The following SNRPN variants were observed in gnomAD, a reference collection of about 807,000 sequenced individuals.
SNRPN encodes small nuclear ribonucleoprotein-associated protein N.
Under a neutral mutation model 25.2 loss-of-function variants are expected in SNRPN, and 7 were observed. That is an observed-to-expected ratio of 0.28 (90% CI 0.16 to 0.52). The LOEUF (loss-of-function observed/expected upper bound fraction) is 0.52, where lower values mean the gene tolerates loss of function less well. Among genes scored for constraint, SNRPN ranks in the 20% least tolerant of loss-of-function variants. SNRPN has a pLI of 0.96. For synonymous variants in SNRPN, 124 were observed against 110.6 expected, an observed-to-expected ratio of 1.12 and a Z score of -0.76; for missense variants, 196 against 322.5, an observed-to-expected ratio of 0.61 and a Z score of 3.00.
intron 3 of SNRPN, chr15:24,920,594 G>C (rs2059968910): frequency 6.6e-6 from 1 of 152,182 alleles, no homozygotes; most frequent in Non-Finnish European, 1.5e-5. Context: ...TTACAGTAAT[G>C]TGCCAAATCT....
intron 1 of SNRPN, chr15:24,886,463 C>T (rs9806261): frequency 0.18 from 27,045 of 152,156 alleles, 2,645 homozygotes; most frequent in East Asian, 0.4. Context: ...CGAATAAAGT[C>T]TTCCTTACTA....
intron 2 of SNRPN, among the ~76,000 whole-genome samples, chr15:24,838,376 T>G (rs1595388106): frequency 6.6e-6 from 1 of 152,112 alleles, no homozygotes; most frequent in Non-Finnish European, 1.5e-5. Flanking sequence ...GGAGGTGATA[T>G]CCATCCTTTT....
At chr15:24,961,075 ATTTTTTGAT>A (rs931328525) in intron 1 of SNRPN, among the ~76,000 whole-genome samples, 2 of 151,904 alleles carry the variant, frequency 1.3e-5, no homozygotes, top group African/African-American at 4.8e-5. Flanking sequence ...TCGGAACTTT[ATTTTTTGAT>A]GAAGTCCACT....
chr15:24,876,616 C>CAAAAAA lies in SNRPN; in HGVS notation c.-578-9887_-578-9882dup, dbSNP rs397943017. ...TGGGCCACAGAGCGAGACTCCATCT[C>CAAAAAA]AAAAAAAAAAAAAAAAAAGATGCTG... On this transcript the variant is annotated intron_variant, in intron 1 of 11. Coordinates refer to the SNRPN transcript ENST00000400097. Among the ~76,000 whole-genome samples, 4 of 88,978 alleles carry CAAAAAA rather than the reference C, an allele frequency of 4.5e-5. 2 individuals carry two copies. Among genetic ancestry groups the CAAAAAA allele is most frequent in the African/African-American group, 8.4e-5 (2 of 23,810 alleles). 58.4% of individuals were successfully genotyped at this position (88,978 alleles called of 152,430 possible). A position where few individuals can be genotyped will look rare whatever the true frequency, so the allele number is the denominator to read the frequency against.
chr15:24,914,659 A>C (rs1595872078), intron 2 of SNRPN, among the ~76,000 whole-genome samples: 1 of 152,212 alleles, frequency 6.6e-6, no homozygotes, highest in Admixed American at 6.5e-5. Flanking sequence ...GTGGATCCCC[A>C]ATCAACTTAT....
chr15:24,858,280 T>C (rs1047639808), intron 1 of SNRPN, among the ~76,000 whole-genome samples: 1 of 152,160 alleles, frequency 6.6e-6, no homozygotes, highest in African/African-American at 2.4e-5. Context: ...ATAAACCGAA[T>C]TCCTCCTGAA....
intron 2 of SNRPN, among the ~76,000 whole-genome samples, chr15:24,836,915 T>C (rs1212431242): frequency 2.0e-5 from 3 of 152,116 alleles, no homozygotes; most frequent in Non-Finnish European, 2.9e-5. Context: ...CCAAGTTTGA[T>C]ATTCCTTCCC....
intron 2 of SNRPN, among the ~76,000 whole-genome samples, chr15:24,964,213 A>G (rs993419595): frequency 6.6e-6 from 1 of 151,960 alleles, no homozygotes; most frequent in Non-Finnish European, 1.5e-5. Flanking sequence ...TTTTGTTTGT[A>G]TATTGGTAAA....
chr15:24,846,763 G>A (rs545501039), intron 2 of SNRPN, among the ~76,000 whole-genome samples: 1 of 152,296 alleles, frequency 6.6e-6, no homozygotes, highest in African/African-American at 2.4e-5. Flanking sequence ...GTCAGGGCTA[G>A]ATTTTTAAGA....
At chr15:24,864,339 C>CTTTTTTTTTT (rs58622804) in intron 1 of SNRPN, among the ~76,000 whole-genome samples, 3 of 117,270 alleles carry the variant, frequency 2.6e-5, no homozygotes, top group East Asian at 2.6e-4. Flanking sequence ...CTCTTCTTTT[C>CTTTTTTTTTT]TTTTTTTTTT....
intron 2 of SNRPN, chr15:24,848,411 G>A (rs116253818): frequency 3.2e-3 from 487 of 152,286 alleles, no homozygotes; most frequent in African/African-American, 0.011. Context: ...CTTATACCGC[G>A]GAAACTTTAA....
chr15:24,825,776 A>C (rs2050038043), intron 1 of SNRPN, among the ~76,000 whole-genome samples: 1 of 152,094 alleles, frequency 6.6e-6, no homozygotes, highest in South Asian at 2.1e-4. Context: ...TGAATACTGC[A>C]ATGAAAATGA....
chr15:24,847,030 C>CA (rs1334057292), intron 2 of SNRPN, among the ~76,000 whole-genome samples: 4 of 152,130 alleles, frequency 2.6e-5, no homozygotes, highest in South Asian at 2.1e-4. Flanking sequence ...TTAGTATTTT[C>CA]AGGGTAGAAG....
At chr15:24,851,369 A>G (rs181915088) in intron 2 of SNRPN, 1 of 152,386 alleles carries the variant, frequency 6.6e-6, no homozygotes, top group Admixed American at 6.5e-5. Flanking sequence ...CAGACCTGAA[A>G]TGGAATGGAC....
chr15:24,834,751 C>CTCTCTCTCTA lies in SNRPN; in HGVS notation c.-579+4847_-579+4848insCTCTCTCTAT. On this transcript the variant is annotated intron_variant, in intron 2 of 12. Coordinates refer to the SNRPN transcript ENST00000400100. The stretch of plus-strand genomic sequence containing the variant: ...TCCCTCTCTCTCTCTCTCTCTCTCT[C>CTCTCTCTCTA]TATATATATATATATATATATATAT... Among the ~76,000 whole-genome samples the CTCTCTCTCTA allele has an allele frequency of 3.2e-3, 197 of 60,938 alleles. 2 individuals carry two copies. Among genetic ancestry groups the CTCTCTCTCTA allele is most frequent in the Non-Finnish European group, 4.3e-3 (129 of 30,224 alleles). 40.0% of individuals were successfully genotyped at this position (60,938 alleles called of 152,430 possible).
chr15:24,835,463 C>T (rs536967039), intron 2 of SNRPN, among the ~76,000 whole-genome samples: 4 of 152,048 alleles, frequency 2.6e-5, no homozygotes, highest in South Asian at 4.2e-4. Context: ...TACTATTTCC[C>T]ACGTTACTGC....
intron 1 of SNRPN, among the ~76,000 whole-genome samples, chr15:24,884,490 T>G (rs986277822): frequency 6.6e-6 from 1 of 152,074 alleles, no homozygotes; most frequent in African/African-American, 2.4e-5. Context: ...AGGCATGAAG[T>G]GTTGATGTCA....
chr15:24,902,820 G>T lies in SNRPN; in HGVS notation c.-505+16231G>T, dbSNP rs140546817. ...GTTACAAGCTCGTAAAGGTAGTGTG[G>T]ACCCAAAGAGTGAGCAGCAGCAAGA... On this transcript the variant is annotated intron_variant, in intron 2 of 11. Transcript: ENST00000400097. Among the ~76,000 whole-genome samples, 321 of 152,314 alleles carry T rather than the reference G, an allele frequency of 2.1e-3. 1 individual carries two copies. Among genetic ancestry groups the T allele is most frequent in the African/African-American group, 7.5e-3 (310 of 41,568 alleles).
rs2062613078 is a variant in SNRPN at position 24,955,068 on chromosome 15, C to T, written c.-391+6C>T. On this transcript the variant is annotated splice_donor_region_variant and intron_variant, in intron 1 of 9. Coordinates refer to ENST00000390687, the MANE Select transcript of SNRPN (RefSeq NM_003097.6). ...GACGCGATGGAGCGGGCAAGGTCAG[C>T]TGTGCCGGTGGCTTCTCTCAAGAGA... 2.5e-6 allele frequency: 4 copies of T among 1,613,418 alleles called. No individual in the cohort carries two copies. The highest frequency in any genetic ancestry group is 3.4e-6 in the Non-Finnish European group (4 of 1,180,026).
Sources: allele counts gnomAD v4.1 joint callset (sites outside exome capture counted in the v4.1 genomes callset), GRCh38; gene constraint gnomAD v4.1.1; transcripts MANE v1.5; gene names NCBI Gene and HGNC (gene_info 2026-07-23, HGNC 2026-07-21).